The following RCC2 variants were observed in gnomAD, a reference collection of about 807,000 sequenced individuals.
RCC2 encodes the protein regulator of chromosome condensation 2.
RCC2 carries 19 observed loss-of-function variants against 64.1 expected under a neutral mutation model. The observed-to-expected ratio is 0.30, with a 90% CI of 0.21 to 0.44. The LOEUF is 0.44. RCC2 is among the 20% of genes least tolerant of loss of function. The pLI is 1.00. For missense variants in RCC2, 508 were observed against 710.4 expected (o/e 0.72, Z 3.24); for synonymous variants, 325 against 279.6 (o/e 1.16, Z -1.62).
At chr1:17,428,049 C>T (rs2075636586) in intron 3 of RCC2, among the ~76,000 whole-genome samples, 1 of 152,190 alleles carries the variant, frequency 6.6e-6, no homozygotes, top group Admixed American at 6.5e-5. Flanking sequence ...CGGGAGGCAA[C>T]AGAGTTAACT....
chr1:17,421,548 G>A (rs890053326), intron 6 of RCC2, among the ~76,000 whole-genome samples: 4 of 151,962 alleles, frequency 2.6e-5, no homozygotes, highest in Non-Finnish European at 4.4e-5. Context: ...GCATCTGGCT[G>A]GTGACTTTAT....
In RCC2 at chr1:17,413,572, G is replaced by C. The variant is rs766463900; in HGVS notation, c.1172C>G (p.Ala391Gly). The C allele has an allele frequency of 1.2e-6, 2 of 1,614,028 alleles. No individual in the cohort carries two copies. The highest frequency in any genetic ancestry group is 1.1e-5 in the South Asian group (1 of 91,076). ...GACAGCAAAGGAGCAGGTGTAACCA[G>C]CATAGATCTGGGAAGCCCCACGCCC... ...FPGRGASQIY[A>G]GYTCSFAVSE... Residue 391 changes from alanine to glycine, a missense_variant, in exon 9 of 13, where the codon GCT becomes GGT. By Grantham distance (60) the Ala-to-Gly change is moderately conservative (BLOSUM62 0). Transcript: ENST00000375436.
At chr1:17,410,838 T>G (rs1322616439) in intron 11 of RCC2, among the ~76,000 whole-genome samples, 3 of 152,126 alleles carry the variant, frequency 2.0e-5, no homozygotes, top group African/African-American at 7.2e-5. Context: ...TCTCCCTTGC[T>G]CCCCTCTAGT....
Position 17,438,250 on chromosome 1 carries a change from C to A in RCC2, c.265G>T (p.Glu89Ter). 1 of 1,330,694 alleles carries A rather than the reference C, an allele frequency of 7.5e-7. No individual in the cohort carries two copies. The allele number at this position is 1,330,694 out of a possible 1,614,324, so 82.4% of individuals were successfully genotyped here. Residue 89 changes from glutamate (E) to a stop codon, truncating the protein, a stop_gained, in exon 2 of 13, where the codon GAG (glutamate) becomes TAG (stop). Coordinates refer to ENST00000375436, the MANE Select transcript of RCC2 (RefSeq NM_018715.4). LOFTEE classifies it high-confidence loss of function. Reference protein sequence around the residue: ...GGAAVVITEPEHTKERVKLEG... With the variant: ...GGAAVVITEP ...CTCACGACGCGCTCCTTGGTGTGCTCGGGTTCGGTGATGACCACGGCCGCG... is the reference window on the plus strand; with the variant it reads ...CTCACGACGCGCTCCTTGGTGTGCTAGGGTTCGGTGATGACCACGGCCGCG...
chr1:17,409,122 T>C lies in RCC2; in HGVS notation c.1537A>G (p.Lys513Glu), dbSNP rs750859210. The part of the protein sequence containing the change: ...ESETEKEKIK[K>E]LPEYNPRTL ...GTTCGGGGGTTGTATTCTGGCAGTT[T>C]CTTGATCTTCTCTTTCTCAGTCTCA... Residue 513 changes from lysine to glutamate, a missense_variant, in exon 13 of 13, where the codon AAA becomes GAA. Lys to Glu is a moderately conservative substitution (Grantham distance 56). Around this residue, in one of 4 missense-constraint regions of RCC2, gnomAD observed 179 missense variants for 322.0 expected, o/e 0.56. Coordinates refer to ENST00000375436, the MANE Select transcript of RCC2 (RefSeq NM_018715.4). 5.6e-6 allele frequency: 9 copies of C among 1,614,048 alleles called. No individual in the cohort carries two copies. The Admixed American group carries it at 1.3e-4, about 24-fold the overall frequency.
chr1:17,438,079 G>T, intron 2 of RCC2, 151 bp downstream of exon 2: 1 of 395,362 alleles, frequency 2.5e-6, no homozygotes, highest in Non-Finnish European at 3.6e-6. Flanking sequence ...CGGAGGCGGA[G>T]GCAATGATTC....
intron 12 of RCC2, 108 bp from the exon 13 acceptor site, chr1:17,409,302 C>CA (rs1354535356): frequency 3.6e-5 from 27 of 749,354 alleles, no homozygotes; most frequent in Non-Finnish European, 6.2e-5. Flanking sequence ...TGGAGAAAAA[C>CA]AGAGTGCCCT....
chr1:17,413,299 C>T (rs1557621473), intron 9 of RCC2, 121 bp from the exon 10 acceptor site: 2 of 884,974 alleles, frequency 2.3e-6, no homozygotes, highest in East Asian at 5.3e-5. Flanking sequence ...TAAAAGATAA[C>T]TGGAGCCAGG....
At chr1:17,427,173 T>G (rs1295251458) in intron 3 of RCC2, among the ~76,000 whole-genome samples, 2 of 152,214 alleles carry the variant, frequency 1.3e-5, no homozygotes, top group Non-Finnish European at 2.9e-5. Flanking sequence ...ATGTAGGAAC[T>G]GATAAAAAGG....
At chr1:17,431,359 A>AAATATATATATATATATAT (rs1553158471) in intron 2 of RCC2, among the ~76,000 whole-genome samples, 3 of 44,932 alleles carry the variant, frequency 6.7e-5, no homozygotes, top group African/African-American at 3.2e-4. Flanking sequence ...AAAAAAAAAA[A>AAATATATATATATATATAT]ATATATATAT....
Position 17,430,888 on chromosome 1 carries a change from G to T in RCC2, c.286-1689C>A, listed in dbSNP as rs577700451. On this transcript the variant is annotated intron_variant, in intron 2 of 12. Transcript: ENST00000375436. The stretch of plus-strand genomic sequence containing the variant: ...GGATTACAGACACTCAGCTAATTTT[G>T]TGTGTTTTTAGTAGAGACAGGGTTT... Among the ~76,000 whole-genome samples, 117 of 151,826 alleles carry T rather than the reference G, an allele frequency of 7.7e-4. 1 individual carries two copies. Among genetic ancestry groups the T allele is most frequent in the African/African-American group, 2.7e-3 (113 of 41,508 alleles).
At chr1:17,437,380 C>A (rs1038756149) in intron 2 of RCC2, among the ~76,000 whole-genome samples, 1 of 151,748 alleles carries the variant, frequency 6.6e-6, no homozygotes, top group African/African-American at 2.4e-5. Flanking sequence ...CCACACCACA[C>A]CAAACTTAAA....
chr1:17,415,332 G>A (rs1372231857), intron 8 of RCC2, among the ~76,000 whole-genome samples: 5 of 152,182 alleles, frequency 3.3e-5, no homozygotes, highest in Admixed American at 1.3e-4. Flanking sequence ...TGGAATCCTA[G>A]CCCAGGCTTT....
chr1:17,438,055 GC>G (rs1393994397), intron 2 of RCC2, among the ~76,000 whole-genome samples, 174 bp downstream of exon 2: 2 of 146,632 alleles, frequency 1.4e-5, no homozygotes, highest in African/African-American at 4.9e-5. Flanking sequence ...CCCGTACCGA[GC>G]CCTTTTGTTG....
chr1:17,434,973 G>A (rs552178096), intron 2 of RCC2, among the ~76,000 whole-genome samples: 1 of 152,172 alleles, frequency 6.6e-6, no homozygotes, highest in Non-Finnish European at 1.5e-5. Flanking sequence ...CACAGTGACA[G>A]GTGCCTGTCA....
intron 7 of RCC2, among the ~76,000 whole-genome samples, chr1:17,418,484 C>G (rs2075515361): frequency 6.6e-6 from 1 of 152,120 alleles, no homozygotes; most frequent in South Asian, 2.1e-4. Flanking sequence ...TGGTGAAACC[C>G]CGTCTCTACC....
At position 17,438,165 on chromosome 1, in the gene RCC2, T is replaced by TGCCGC. The variant is rs1398313354; in HGVS notation, c.285+60_285+64dup. ...CGGCCCCCGGCTGGAACGCGCGCCGTGCCGCGTCGCTGAGCCCGCCGGCCC... is the reference window on the plus strand; with the variant it reads ...CGGCCCCCGGCTGGAACGCGCGCCGTGCCGCGCCGCGTCGCTGAGCCCGCCGGCCC... On this transcript the variant is annotated intron_variant, in intron 2 of 12. Transcript: ENST00000375436. The TGCCGC allele has an allele frequency of 9.2e-6, 10 of 1,091,178 alleles. No individual in the cohort carries two copies. The African/African-American group carries it at 1.2e-4, about 13-fold the overall frequency. 67.6% of individuals were successfully genotyped at this position (1,091,178 alleles called of 1,614,324 possible).
In RCC2 at chr1:17,429,139, A is replaced by C; in HGVS notation, c.346T>G (p.Leu116Val). The change falls in exon 3 of 13, where the codon TTG becomes GTG. Residue 116 changes from leucine to valine, a missense_variant. Coordinates refer to ENST00000375436, the MANE Select transcript of RCC2 (RefSeq NM_018715.4). ...TTAGGCACTTCTTTTCGACCAATCAAGTCCCAGTTGGTTGCCCCAAAAATC... is the reference window on the plus strand; with the variant it reads ...TTAGGCACTTCTTTTCGACCAATCACGTCCCAGTTGGTTGCCCCAAAAATC... Reference protein sequence around the residue: ...LLIFGATNWDLIGRKEVPKQQ... With the variant: ...LLIFGATNWDVIGRKEVPKQQ... 6.2e-7 allele frequency: 1 copy of C among 1,614,244 alleles called. No homozygotes were observed. The highest frequency in any genetic ancestry group is 8.5e-7 in the Non-Finnish European group (1 of 1,180,038).
chr1:17,425,720 G>C (rs749285353), intron 3 of RCC2, 36 bp from the exon 4 acceptor site: 1 of 1,571,946 alleles, frequency 6.4e-7, no homozygotes, highest in East Asian at 2.3e-5. Flanking sequence ...CAGACACCTG[G>C]GGTGGTGGGG....
Sources: allele counts gnomAD v4.1 joint callset (sites outside exome capture counted in the v4.1 genomes callset), GRCh38; gene constraint gnomAD v4.1.1; regional missense constraint gnomAD v4.1.1; transcripts MANE v1.5; gene names NCBI Gene and HGNC (gene_info 2026-07-23, HGNC 2026-07-21).